The following TTL variants were observed in gnomAD, a reference collection of about 807,000 sequenced individuals.
TTL encodes tubulin tyrosine ligase.
A neutral mutation model predicts 41.1 loss-of-function variants in TTL; 10 were observed. That is an observed-to-expected ratio of 0.24 (90% CI 0.15 to 0.41). The LOEUF is 0.41. Among genes scored for constraint, TTL ranks in the 10% least tolerant of loss-of-function variants. The pLI is 1.00. For synonymous variants in TTL, 175 were observed against 175.5 expected, an observed-to-expected ratio of 1.00 and a Z score of 0.02; for missense variants, 367 against 460.4, an observed-to-expected ratio of 0.80 and a Z score of 1.86.
At chr2:112,520,261 A>T in intron 5 of TTL, 21 bp from the exon 6 acceptor site, 1 of 1,613,304 alleles carries the variant, frequency 6.2e-7, no homozygotes, top group Non-Finnish European at 8.5e-7. Context: ...TCTAATGAGC[A>T]TTTCCCCTCC....
intron 3 of TTL, among the ~76,000 whole-genome samples, chr2:112,495,741 G>A (rs1178346854): frequency 6.6e-6 from 1 of 152,148 alleles, no homozygotes; most frequent in East Asian, 1.9e-4. Flanking sequence ...CAGCTACTCG[G>A]GAGGCTGAGG....
At chr2:112,521,819 C>T (rs1436104372) in intron 6 of TTL, among the ~76,000 whole-genome samples, 1 of 152,158 alleles carries the variant, frequency 6.6e-6, no homozygotes, top group Non-Finnish European at 1.5e-5. Flanking sequence ...CAATGGAGAA[C>T]AAAGGATGTT....
rs909021562 is a variant in TTL, at chr2:112,482,577, G to C, written c.157+76G>C. Reference sequence around the variant, plus strand: ...CCTCCCGCGGCCCGTTAGAACCGGCGCTTTTGTTTTTAAAGGTCATACATT... The same window carrying C: ...CCTCCCGCGGCCCGTTAGAACCGGCCCTTTTGTTTTTAAAGGTCATACATT... On this transcript the variant is annotated intron_variant, in intron 1 of 6. Coordinates refer to ENST00000233336, the MANE Select transcript of TTL (RefSeq NM_153712.5). The surrounding 1 kb of genome is among the most constrained non-coding windows in gnomAD (Gnocchi z 5.3). The C allele has an allele frequency of 5.0e-5, 72 of 1,453,092 alleles. No homozygotes were observed. Among genetic ancestry groups the C allele is most frequent in the Non-Finnish European group, 6.3e-5 (69 of 1,094,392 alleles). 90.0% of individuals were successfully genotyped at this position (1,453,092 alleles called of 1,614,324 possible). A position where few individuals can be genotyped will look rare whatever the true frequency, so the allele number is the denominator to read the frequency against.
At position 112,541,158 on chromosome 2, in the gene TTL, G is replaced by T. The variant is rs780866096; in HGVS notation, c.*12363G>T. 1.3e-5 allele frequency: 2 copies of T among 151,788 alleles called. No homozygotes were observed. Among genetic ancestry groups the T allele is most frequent in the African/African-American group, 2.4e-5 (1 of 41,242 alleles). 9.4% of individuals were successfully genotyped at this position (151,788 alleles called of 1,614,324 possible). ...CATAAATTTTTTTTTAAATCCTCAT[G>T]ACCTTGGATTACACAATGATGTCTT... On this transcript the variant is annotated 3_prime_UTR_variant, in exon 7 of 7. Coordinates refer to ENST00000233336, the MANE Select transcript of TTL (RefSeq NM_153712.5).
At chr2:112,487,362 T>G (rs1385792584) in intron 2 of TTL, among the ~76,000 whole-genome samples, 2 of 152,218 alleles carry the variant, frequency 1.3e-5, no homozygotes, top group South Asian at 4.1e-4. Flanking sequence ...ATATTTAGAA[T>G]GCAAATGACT....
chr2:112,525,944 A>G (rs1045423287), intron 6 of TTL, among the ~76,000 whole-genome samples: 2 of 152,108 alleles, frequency 1.3e-5, no homozygotes, highest in Admixed American at 1.3e-4. Context: ...AGCTCTTATT[A>G]TTTTGAGATA....
rs549319256 is a variant in TTL, at chr2:112,528,763, C to G, written c.1102C>G (p.Gln368Glu). The G allele has an allele frequency of 5.6e-6, 9 of 1,614,148 alleles. No homozygotes were observed. The African/African-American group carries it at 1.2e-4, about 22-fold the overall frequency. The change falls in exon 7 of 7, where the codon CAG becomes GAG. Residue 368 changes from glutamine (Q) to glutamate (E), a missense_variant. Coordinates refer to ENST00000233336, the MANE Select transcript of TTL (RefSeq NM_153712.5). ...CCCACCCCCAGATGTGGAGCAACCT[C>G]AGACCCAGCCAGCTGCCTTCATCAA... is the stretch of plus-strand genomic sequence containing the variant. Reference protein sequence around the residue: ...VFPPPDVEQPQTQPAAFIKL With the variant: ...VFPPPDVEQPETQPAAFIKL
At chr2:112,514,750 T>C (rs1020347288) in intron 5 of TTL, among the ~76,000 whole-genome samples, 1 of 152,250 alleles carries the variant, frequency 6.6e-6, no homozygotes, top group Non-Finnish European at 1.5e-5. Flanking sequence ...TTGATATCTT[T>C]TACCAGTTTT....
chr2:112,531,377 C>T lies in TTL; in HGVS notation c.*2582C>T, dbSNP rs1558646443. ...GTATCAGAGGAGCCTGTTAACCTCTCTGTGCCTTAGTTTCTTAGCCCATGA... is the reference window on the plus strand; with the variant it reads ...GTATCAGAGGAGCCTGTTAACCTCTTTGTGCCTTAGTTTCTTAGCCCATGA... On this transcript the variant is annotated 3_prime_UTR_variant, in exon 7 of 7. Coordinates refer to ENST00000233336, the MANE Select transcript of TTL (RefSeq NM_153712.5). The T allele has an allele frequency of 4.4e-6, 1 of 228,320 alleles. No individual in the cohort carries two copies. The highest frequency in any genetic ancestry group is 6.3e-5 in the East Asian group (1 of 15,836). The allele number at this position is 228,320 out of a possible 1,614,324, so 14.1% of individuals were successfully genotyped here.
At chr2:112,520,899 CAGAG>C (rs1261027999) in intron 6 of TTL, among the ~76,000 whole-genome samples, 1 of 152,162 alleles carries the variant, frequency 6.6e-6, no homozygotes, top group South Asian at 2.1e-4. Context: ...GCCTGGGCGA[CAGAG>C]AGACCCTGTC....
chr2:112,488,047 T>C (rs910329599), intron 2 of TTL, among the ~76,000 whole-genome samples: 4 of 152,308 alleles, frequency 2.6e-5, no homozygotes, highest in Admixed American at 2.0e-4. Flanking sequence ...TGTGCACCCT[T>C]GGGAGGCTTC....
chr2:112,520,023 G>A (rs1181728789), intron 5 of TTL, among the ~76,000 whole-genome samples: 3 of 151,518 alleles, frequency 2.0e-5, no homozygotes, highest in Non-Finnish European at 4.4e-5. Context: ...CCAGCTGCTC[G>A]GGAGGCTGAA....
At chr2:112,489,061 T>G (rs963279163) in intron 2 of TTL, among the ~76,000 whole-genome samples, 1 of 152,188 alleles carries the variant, frequency 6.6e-6, no homozygotes. Context: ...CACTCCAGCC[T>G]GGGTGACAGA....
At chr2:112,487,926 A>G (rs765872701) in intron 2 of TTL, among the ~76,000 whole-genome samples, 3 of 152,248 alleles carry the variant, frequency 2.0e-5, no homozygotes, top group Non-Finnish European at 4.4e-5. Context: ...TTGATTTTAT[A>G]GGACAAAGTG....
At chr2:112,515,334 C>T (rs1172251234) in intron 5 of TTL, among the ~76,000 whole-genome samples, 1 of 152,152 alleles carries the variant, frequency 6.6e-6, no homozygotes, top group Non-Finnish European at 1.5e-5. Context: ...GGTACATATC[C>T]TGTAAAACCT....
chr2:112,494,811 C>T (rs941417896), intron 3 of TTL, among the ~76,000 whole-genome samples: 3 of 152,202 alleles, frequency 2.0e-5, no homozygotes, highest in African/African-American at 7.2e-5. Context: ...GCTCTACCTT[C>T]AAAATATATT....
chr2:112,485,270 A>G (rs1681211328), intron 1 of TTL, among the ~76,000 whole-genome samples: 1 of 152,178 alleles, frequency 6.6e-6, no homozygotes, highest in Non-Finnish European at 1.5e-5. Context: ...TTTATTTTTA[A>G]TAAAAATTGT....
In TTL at chr2:112,532,228, C is replaced by T; in HGVS notation, c.*3433C>T. 1 of 228,106 alleles carries T rather than the reference C, an allele frequency of 4.4e-6. No individual in the cohort carries two copies. The highest frequency in any genetic ancestry group is 1.3e-3 in the Middle Eastern group (1 of 758). The allele number at this position is 228,106 out of a possible 1,614,324, so 14.1% of individuals were successfully genotyped here. A position where few individuals can be genotyped will look rare whatever the true frequency, so the allele number is the denominator to read the frequency against. On this transcript the variant is annotated 3_prime_UTR_variant, in exon 7 of 7. Coordinates refer to ENST00000233336, the MANE Select transcript of TTL (RefSeq NM_153712.5). ...TGGTGAGAGGCTCTACTAGCAAAGA[C>T]ATGGGCACCGGAGTAGGTCCCGTGT...
intron 2 of TTL, 121 bp from the exon 3 acceptor site, chr2:112,494,022 G>A: frequency 1.4e-6 from 1 of 708,788 alleles, no homozygotes; most frequent in Non-Finnish European, 2.4e-6. Flanking sequence ...AAATAGAGAT[G>A]TTAGAAGACT....
Sources: gnomAD v4.1 joint callset for allele counts (sites outside exome capture counted in the v4.1 genomes callset) on GRCh38, gnomAD v4.1.1 for gene constraint, Gnocchi (gnomAD v3.1) non-coding constraint, MANE v1.5 for transcripts, NCBI Gene and HGNC (gene_info 2026-07-23, HGNC 2026-07-21) for gene names.